Variants in PLEKHO2 observed in about 807,000 individuals in gnomAD.
The protein encoded by PLEKHO2 is pleckstrin homology domain-containing family O member 2.
A neutral mutation model predicts 32.7 loss-of-function variants in PLEKHO2; 20 were observed. That is an observed-to-expected ratio of 0.61 (90% CI 0.43 to 0.89). The LOEUF is 0.89. PLEKHO2 is among the 40% of genes least tolerant of loss of function. PLEKHO2 has a pLI of 0.00. For missense variants in PLEKHO2, 568 were observed against 621.2 expected, an observed-to-expected ratio of 0.91 and a Z score of 0.91; for synonymous variants, 247 against 246.3, an observed-to-expected ratio of 1.00 and a Z score of -0.03.
intron 5 of PLEKHO2, among the ~76,000 whole-genome samples, chr15:64,862,619 A>G (rs1273067746): frequency 6.6e-6 from 1 of 152,162 alleles, no homozygotes; most frequent in Non-Finnish European, 1.5e-5. Context: ...GTCAGCTAGC[A>G]GGGAACCAAG....
Position 64,865,531 on chromosome 15 carries a change from C to T in PLEKHO2, c.1116C>T (p.Ser372=). ...CTCCTCCAAAGGATGCAACAACATC[C>T]ACAGCACTGCCCCCCTGGGACCTGC... is the stretch of plus-strand genomic sequence containing the variant. ...PGTPPKDATT[S]TALPPWDLPP... The change falls in exon 6 of 6, where the codon TCC becomes TCT. Residue 372 remains serine (S), a synonymous_variant. Coordinates refer to ENST00000323544, the MANE Select transcript of PLEKHO2 (RefSeq NM_025201.5). The T allele has an allele frequency of 6.2e-7, 1 of 1,614,142 alleles. No individual in the cohort carries two copies. Among genetic ancestry groups the T allele is most frequent in the Non-Finnish European group, 8.5e-7 (1 of 1,180,028 alleles).
At chr15:64,842,420 G>GTA (rs2084492079) in intron 1 of PLEKHO2, among the ~76,000 whole-genome samples, 1 of 151,396 alleles carries the variant, frequency 6.6e-6, no homozygotes, top group Non-Finnish European at 1.5e-5. Flanking sequence ...GTGTGTGTGT[G>GTA]TGTCGGATCC....
chr15:64,865,322 C>T lies in PLEKHO2; in HGVS notation c.907C>T (p.Pro303Ser), dbSNP rs1407217122. The T allele has an allele frequency of 2.5e-6, 4 of 1,613,734 alleles. No homozygotes were observed. The highest frequency in any genetic ancestry group is 3.3e-5 in the Admixed American group (2 of 59,978). ...APCSETSEAA[P>S]REGGKPPTPP... ...CTGTTCTGAGACTTCTGAGGCTGCC[C>T]CCAGGGAGGGTGGGAAGCCCCCTAC... Residue 303 changes from proline (P) to serine (S), a missense_variant, in exon 6 of 6, where the codon CCC (proline) becomes TCC (serine). Physicochemically the swap from Pro to Ser is moderately conservative, Grantham distance 74. Transcript: ENST00000323544.
chr15:64,855,068 C>T, intron 3 of PLEKHO2, 31 bp downstream of exon 3: 4 of 1,530,538 alleles, frequency 2.6e-6, no homozygotes, highest in Non-Finnish European at 3.6e-6. Flanking sequence ...GCCCCATCTC[C>T]CTCTAGCCCA....
chr15:64,854,943 C>T lies in PLEKHO2; in HGVS notation c.185C>T (p.Thr62Ile), dbSNP rs771971068. Reference sequence around the variant, plus strand: ...CAGGATGATCAGAAGTGTGTGGAGACTGTGGAGCTGGGCAGCTATGAGAAG... The same window carrying T: ...CAGGATGATCAGAAGTGTGTGGAGATTGTGGAGCTGGGCAGCTATGAGAAG... ...ENEDDQKCVETVELGSYEKCQ... is the reference protein window; with the variant it reads ...ENEDDQKCVEIVELGSYEKCQ... The change falls in exon 3 of 6, where the codon ACT (threonine) becomes ATT (isoleucine). Residue 62 changes from threonine to isoleucine, a missense_variant. Coordinates refer to ENST00000323544, the MANE Select transcript of PLEKHO2 (RefSeq NM_025201.5). The T allele has an allele frequency of 6.2e-7, 1 of 1,612,804 alleles. No individual in the cohort carries two copies. The highest frequency in any genetic ancestry group is 1.3e-5 in the African/African-American group (1 of 74,926).
rs1009383228 is a variant in PLEKHO2, at chr15:64,865,077, G to A, written c.662G>A (p.Arg221Lys). ...CCTGAGACCACCAGCCCTGGTGACAGGGTGGAGACCCCTGTGGGGGAGAGA... is the reference window on the plus strand; with the variant it reads ...CCTGAGACCACCAGCCCTGGTGACAAGGTGGAGACCCCTGTGGGGGAGAGA... ...LAPETTSPGD[R>K]VETPVGERAP... is the part of the protein sequence containing the mutation. Residue 221 changes from arginine to lysine, a missense_variant, in exon 6 of 6, where the codon AGG becomes AAG. Transcript: ENST00000323544. 1.2e-6 allele frequency: 2 copies of A among 1,614,126 alleles called. No homozygotes were observed. Among genetic ancestry groups the A allele is most frequent in the Non-Finnish European group, 1.7e-6 (2 of 1,180,012 alleles).
intron 4 of PLEKHO2, among the ~76,000 whole-genome samples, chr15:64,860,582 G>T (rs942112696): frequency 6.6e-6 from 1 of 152,206 alleles, no homozygotes; most frequent in African/African-American, 2.4e-5. Context: ...TGGTTATTTG[G>T]GCTAAAATGG....
At chr15:64,843,533 A>G (rs1231970381) in intron 1 of PLEKHO2, among the ~76,000 whole-genome samples, 2 of 151,570 alleles carry the variant, frequency 1.3e-5, no homozygotes, top group African/African-American at 4.8e-5. Flanking sequence ...GGCCCGGCTC[A>G]GCTCTGTACA....
intron 5 of PLEKHO2, among the ~76,000 whole-genome samples, chr15:64,863,491 T>C (rs2084657166): frequency 6.8e-6 from 1 of 147,504 alleles, no homozygotes; most frequent in African/African-American, 2.6e-5. Flanking sequence ...GACAGAAGAG[T>C]TCAGGGAGGC....
At chr15:64,842,380 C>CTGTGTGTGTGTGTGTG (rs1282999932) in intron 1 of PLEKHO2, among the ~76,000 whole-genome samples, 1 of 33,010 alleles carries the variant, frequency 3.0e-5, no homozygotes, top group African/African-American at 6.3e-5. Context: ...TCCTGACTCT[C>CTGTGTGTGTGTGTGTG]TCTCTCTCTC....
chr15:64,857,648 G>C (rs775243075), intron 3 of PLEKHO2, among the ~76,000 whole-genome samples: 1 of 152,132 alleles, frequency 6.6e-6, no homozygotes, highest in Non-Finnish European at 1.5e-5. Context: ...GGTGGAGCTG[G>C]GTCCTGTTTA....
At chr15:64,853,268 T>C (rs1002127863) in intron 2 of PLEKHO2, among the ~76,000 whole-genome samples, 4 of 147,386 alleles carry the variant, frequency 2.7e-5, no homozygotes, top group African/African-American at 1.1e-4. Context: ...TTTGCATTTC[T>C]TTTTCTTTTT....
intron 1 of PLEKHO2, among the ~76,000 whole-genome samples, chr15:64,846,941 T>A (rs909324133): frequency 6.6e-6 from 1 of 152,264 alleles, no homozygotes; most frequent in Non-Finnish European, 1.5e-5. Flanking sequence ...TGCCAGTCAC[T>A]GTCTAGGAAC....
intron 1 of PLEKHO2, among the ~76,000 whole-genome samples, chr15:64,843,770 G>T (rs994346511): frequency 2.0e-5 from 3 of 151,910 alleles, no homozygotes; most frequent in Admixed American, 1.3e-4. Flanking sequence ...AGTAGACATG[G>T]GGTTTCTCCA....
At chr15:64,846,000 G>A (rs1053023229) in intron 1 of PLEKHO2, among the ~76,000 whole-genome samples, 2 of 152,220 alleles carry the variant, frequency 1.3e-5, no homozygotes, top group African/African-American at 4.8e-5. Context: ...TGGAAGGCCT[G>A]GCAGGGGCTG....
intron 1 of PLEKHO2, among the ~76,000 whole-genome samples, chr15:64,846,528 G>T (rs140581641): frequency 2.5e-4 from 38 of 152,222 alleles, no homozygotes; most frequent in African/African-American, 9.1e-4. Context: ...TGGCCAGGCC[G>T]ATCTCAAACT....
chr15:64,852,722 G>A lies in PLEKHO2; in HGVS notation c.163-2199G>A, dbSNP rs113992122. Among the ~76,000 whole-genome samples, 1,344 of 151,984 alleles carry A rather than the reference G, an allele frequency of 8.8e-3. 19 individuals are homozygous for A. Among genetic ancestry groups the A allele is most frequent in the African/African-American group, 0.031 (1,282 of 41,446 alleles). The stretch of plus-strand genomic sequence containing the variant: ...TGCAGCCTCCGCCTCCTGGGTTCAA[G>A]CGATTCTTCTGCCTCAGCCTCCTGA... On this transcript the variant is annotated intron_variant, in intron 2 of 5. Transcript: ENST00000323544.
At chr15:64,859,106 T>C (rs1292182304) in intron 3 of PLEKHO2, among the ~76,000 whole-genome samples, 1 of 152,250 alleles carries the variant, frequency 6.6e-6, no homozygotes, top group Admixed American at 6.5e-5. Context: ...CAGATTTTTC[T>C]TCCTTTTTAA....
rs947485424 is a variant in PLEKHO2 at position 64,841,941 on chromosome 15, G to T, written c.-76G>T. The T allele has an allele frequency of 4.8e-5, 59 of 1,227,446 alleles. No homozygotes were observed. In the Middle Eastern group the frequency reaches 1.3e-3, roughly 26 times the overall value. 76.0% of individuals were successfully genotyped at this position (1,227,446 alleles called of 1,614,324 possible). ...GAACGCGGAGAGTCGCCGCCTGGCC[G>T]GGCGTAGACGCGGTGGCAGAGCCCG... On this transcript the variant is annotated 5_prime_UTR_variant, in exon 1 of 6. Coordinates refer to ENST00000323544, the MANE Select transcript of PLEKHO2 (RefSeq NM_025201.5).
Sources: allele counts gnomAD v4.1 joint callset (sites outside exome capture counted in the v4.1 genomes callset), GRCh38; gene constraint gnomAD v4.1.1; transcripts MANE v1.5; gene names NCBI Gene and HGNC (gene_info 2026-07-23, HGNC 2026-07-21).